NCAM1: variants seen among roughly 807,000 people sequenced by gnomAD.
NCAM1 encodes the protein neural cell adhesion molecule 1, also known as antigen recognized by monoclonal antibody 5.1H11.
NCAM1 carries 14 observed loss-of-function variants against 109.8 expected under a neutral mutation model. The observed-to-expected ratio is 0.13, with a 90% CI of 0.08 to 0.20. The LOEUF (loss-of-function observed/expected upper bound fraction) is 0.20. Among genes scored for constraint, NCAM1 ranks in the 10% least tolerant of loss-of-function variants. NCAM1 has a pLI of 1.00. For missense variants in NCAM1, 774 were observed against 1,109.9 expected, an observed-to-expected ratio of 0.70 and a Z score of 4.30; for synonymous variants, 418 against 442.9, an observed-to-expected ratio of 0.94 and a Z score of 0.70.
At chr11:113,052,072 CT>C (rs1176685089) in intron 1 of NCAM1, among the ~76,000 whole-genome samples, 1 of 152,164 alleles carries the variant, frequency 6.6e-6, no homozygotes, top group Admixed American at 6.5e-5. Context: ...TTAAGTTTCC[CT>C]TCATAGGGAA....
At position 113,232,854 on chromosome 11, in the gene NCAM1, C is replaced by A. The variant is rs1555117568; in HGVS notation, c.1522+40C>A. 5 of 1,536,342 alleles carry A rather than the reference C, an allele frequency of 3.3e-6. No homozygotes were observed. The Admixed American group carries it at 5.0e-5, about 15-fold the overall frequency. On this transcript the variant is annotated intron_variant, in intron 12 of 19. Transcript: ENST00000316851. ...CTCACCTGAGAGCAGCTGCCACAAC[C>A]CCCCACCTAACCCTGCCAGCCCAAT...
chr11:113,199,829 T>TGAAAAAAAA lies in NCAM1; in HGVS notation c.53-2550_53-2549insGAAAAAAAA, dbSNP rs60389510. ...GCAAATAAAGTAAAAGAAACACCCTTAAAAAAAAAAAAAAAAAAAACTTCT... is the reference window on the plus strand; with the variant it reads ...GCAAATAAAGTAAAAGAAACACCCTTGAAAAAAAAAAAAAAAAAAAAAAAAAAAACTTCT... On this transcript the variant is annotated intron_variant, in intron 1 of 19. Transcript: ENST00000316851. Among the ~76,000 whole-genome samples the TGAAAAAAAA allele has an allele frequency of 1.4e-3, 166 of 115,730 alleles. 18 individuals carry two copies. The highest frequency in any genetic ancestry group is 4.4e-3 in the Middle Eastern group (1 of 226). 75.9% of individuals were successfully genotyped at this position (115,730 alleles called of 152,430 possible).
intron 1 of NCAM1, among the ~76,000 whole-genome samples, chr11:113,089,596 A>G (rs1171384216): frequency 1.3e-5 from 2 of 152,158 alleles, no homozygotes; most frequent in Non-Finnish European, 2.9e-5. Flanking sequence ...GTGCCTGGCT[A>G]TGCTTAGAAT....
chr11:113,228,936 G>T (rs1362291872), intron 9 of NCAM1, among the ~76,000 whole-genome samples: 8 of 152,126 alleles, frequency 5.3e-5, no homozygotes, highest in African/African-American at 1.7e-4. Context: ...ATTAATTCAA[G>T]ATGGATTAAA....
intron 1 of NCAM1, among the ~76,000 whole-genome samples, chr11:113,178,676 C>CA (rs1203872431): frequency 2.0e-5 from 3 of 152,082 alleles, no homozygotes; most frequent in African/African-American, 7.2e-5. Flanking sequence ...AAGCTCATTG[C>CA]AAAAAGAAAG....
chr11:113,104,253 G>A (rs1315458805), intron 1 of NCAM1, among the ~76,000 whole-genome samples: 3 of 150,748 alleles, frequency 2.0e-5, no homozygotes, highest in African/African-American at 4.9e-5. Flanking sequence ...GAAGGGAACA[G>A]GCAAAGCTTT....
intron 1 of NCAM1, among the ~76,000 whole-genome samples, chr11:113,066,420 T>C (rs1211134999): frequency 6.6e-6 from 1 of 152,192 alleles, no homozygotes; most frequent in Non-Finnish European, 1.5e-5. Flanking sequence ...GGTTAATTTA[T>C]CTCTATTGCA....
At chr11:113,037,998 C>T (rs1408731978) in intron 1 of NCAM1, among the ~76,000 whole-genome samples, 2 of 152,212 alleles carry the variant, frequency 1.3e-5, no homozygotes, top group African/African-American at 4.8e-5. Context: ...GGGCCAGGCT[C>T]ACCCCTGCGG....
At chr11:113,173,627 T>TATATA (rs1555106599) in intron 1 of NCAM1, among the ~76,000 whole-genome samples, 22 of 137,704 alleles carry the variant, frequency 1.6e-4, no homozygotes, top group South Asian at 2.3e-4. Flanking sequence ...TATATATATA[T>TATATA]TTTAGAGGGT....
intron 1 of NCAM1, among the ~76,000 whole-genome samples, chr11:112,982,117 T>G (rs1428809917): frequency 6.6e-6 from 1 of 151,886 alleles, no homozygotes; most frequent in Non-Finnish European, 1.5e-5. Context: ...TTTGTCCGGA[T>G]TAACCAAAAT....
At chr11:112,999,758 G>T (rs1388021421) in intron 1 of NCAM1, among the ~76,000 whole-genome samples, 1 of 152,146 alleles carries the variant, frequency 6.6e-6, no homozygotes, top group Non-Finnish European at 1.5e-5. Context: ...CAGTGTGCCT[G>T]TTACAACAGC....
At chr11:113,262,989 C>T in intron 17 of NCAM1, 3 of 1,570,492 alleles carry the variant, frequency 1.9e-6, no homozygotes, top group East Asian at 2.3e-5. Context: ...ATCAGTGCCC[C>T]CTTTGGAAGA....
chr11:113,268,765 C>G (rs1946198094), intron 17 of NCAM1, among the ~76,000 whole-genome samples: 1 of 152,186 alleles, frequency 6.6e-6, no homozygotes, highest in South Asian at 2.1e-4. Context: ...ATGTTCCCTC[C>G]ACTATCTATC....
chr11:113,125,142 G>A (rs1210640084), intron 1 of NCAM1, among the ~76,000 whole-genome samples: 3 of 152,162 alleles, frequency 2.0e-5, no homozygotes, highest in South Asian at 2.1e-4. Flanking sequence ...GCACAGTTGG[G>A]TAGTAACTTT....
At chr11:113,234,058 G>A (rs1276741888) in intron 13 of NCAM1, among the ~76,000 whole-genome samples, 2 of 151,950 alleles carry the variant, frequency 1.3e-5, no homozygotes, top group African/African-American at 4.8e-5. Context: ...GTCCAGTGCA[G>A]TTTCACTCAG....
chr11:112,969,256 G>A (rs1040214967), intron 1 of NCAM1, among the ~76,000 whole-genome samples: 1 of 151,316 alleles, frequency 6.6e-6, no homozygotes, highest in East Asian at 1.9e-4. Flanking sequence ...GAGATAAGGA[G>A]AAAAAAAAAT....
intron 8 of NCAM1, among the ~76,000 whole-genome samples, chr11:113,219,780 A>G (rs962322528): frequency 6.6e-6 from 1 of 152,238 alleles, no homozygotes; most frequent in Non-Finnish European, 1.5e-5. Context: ...CAAAAGAAAG[A>G]TCTTGATTCC....
At chr11:113,104,675 AT>A (rs1392980342) in intron 1 of NCAM1, among the ~76,000 whole-genome samples, 1 of 152,034 alleles carries the variant, frequency 6.6e-6, no homozygotes, top group Non-Finnish European at 1.5e-5. Context: ...GATGCAAAAC[AT>A]TTTTTTGTCC....
At chr11:113,125,706 T>C (rs1245847347) in intron 1 of NCAM1, among the ~76,000 whole-genome samples, 1 of 152,202 alleles carries the variant, frequency 6.6e-6, no homozygotes, top group Non-Finnish European at 1.5e-5. Flanking sequence ...GGGCAGACTT[T>C]CAAAGGCTCC....
Sources: gnomAD v4.1 joint callset for allele counts (sites outside exome capture counted in the v4.1 genomes callset) on GRCh38, gnomAD v4.1.1 for gene constraint, MANE v1.5 for transcripts, NCBI Gene and HGNC (gene_info 2026-07-23, HGNC 2026-07-21) for gene names.